SCUBE2: variants seen among roughly 807,000 people sequenced by gnomAD.
SCUBE2 encodes signal peptide, CUB and EGF-like domain-containing protein 2.
Under a neutral mutation model 125.9 loss-of-function variants are expected in SCUBE2, and 114 were observed. The observed-to-expected ratio is 0.91, with a 90% CI of 0.78 to 1.06. The LOEUF (loss-of-function observed/expected upper bound fraction) is 1.06, where lower values mean the gene tolerates loss of function less well. Among genes scored for constraint, SCUBE2 ranks in the 50% least tolerant of loss-of-function variants. The pLI, the probability that SCUBE2 is intolerant of heterozygous loss-of-function variation, is 0.00. For missense variants in SCUBE2, 1,255 were observed against 1,301.8 expected (o/e 0.96, Z 0.55); for synonymous variants, 459 against 492.9 (o/e 0.93, Z 0.91).
rs150297886 is a variant in SCUBE2 at position 9,019,862 on chromosome 11, G to C, written c.*1183C>G. Among the ~76,000 whole-genome samples the C allele has an allele frequency of 3.1e-4, 47 of 152,256 alleles. No individual in the cohort carries two copies. The East Asian group carries it at 8.7e-3, about 28-fold the overall frequency. On this transcript the variant is annotated 3_prime_UTR_variant, in exon 23 of 23. Coordinates refer to ENST00000649792, the MANE Select transcript of SCUBE2 (RefSeq NM_001367977.2). ...TTTTATTCACTGTAATGAGATTTTT[G>C]CTTGGGGATTTAAATGTTTAAAGAT...
At chr11:9,064,735 C>A (rs1216667563) in intron 7 of SCUBE2, 1 of 152,110 alleles carries the variant, frequency 6.6e-6, no homozygotes, top group Non-Finnish European at 1.5e-5. Context: ...TTCTAAAGAG[C>A]AGAAAAGAGC....
intron 3 of SCUBE2, among the ~76,000 whole-genome samples, chr11:9,076,530 C>A (rs974877553): frequency 6.6e-6 from 1 of 151,736 alleles, no homozygotes; most frequent in Non-Finnish European, 1.5e-5. Flanking sequence ...AACAAACAAG[C>A]AGGAGAGGAT....
intron 21 of SCUBE2, chr11:9,024,530 A>C (rs1419393044): frequency 1.7e-6 from 1 of 588,030 alleles, no homozygotes; most frequent in Admixed American, 2.5e-5. Context: ...GGCTTCCTCT[A>C]AGATTAAGTC....
rs200466221 is a variant in SCUBE2 at position 9,029,895 on chromosome 11, G to T, written c.2492C>A (p.Thr831Asn). The change falls in exon 19 of 23, where the codon ACC becomes AAC. Residue 831 changes from threonine (T) to asparagine (N), a missense_variant. By Grantham distance (65) the Thr-to-Asn change is moderately conservative. Transcript: ENST00000649792. ...TTDFDGSTNI[T>N]QCKNRRCGGE... ...AGAGAGGGACCTACTTTTACACTGG[G>T]TTATGTTTGTGGAGCCATCAAAGTC... 3.1e-6 allele frequency: 5 copies of T among 1,613,998 alleles called. No homozygotes were observed. In the African/African-American group the frequency reaches 6.7e-5, roughly 22 times the overall value.
intron 16 of SCUBE2, among the ~76,000 whole-genome samples, chr11:9,043,604 A>G (rs1257866176): frequency 6.7e-6 from 1 of 149,900 alleles, no homozygotes; most frequent in East Asian, 2.0e-4. Flanking sequence ...AAAATATACA[A>G]TTGGTCAGAA....
Position 9,047,568 on chromosome 11 carries a change from G to A in SCUBE2, c.1796-6C>T. The stretch of plus-strand genomic sequence containing the variant: ...GCAGCTCAGGTCACAAGAAGCTACA[G>A]AAACAAGAGGGACAGCAGTGCGGGA... On this transcript the variant is annotated splice_polypyrimidine_tract_variant and splice_region_variant and intron_variant, in intron 15 of 22. Coordinates refer to ENST00000649792, the MANE Select transcript of SCUBE2 (RefSeq NM_001367977.2). The A allele has an allele frequency of 6.2e-7, 1 of 1,613,744 alleles. No individual in the cohort carries two copies. The highest frequency in any genetic ancestry group is 8.5e-7 in the Non-Finnish European group (1 of 1,179,874).
chr11:9,080,648 CAA>C (rs111895309), intron 2 of SCUBE2, among the ~76,000 whole-genome samples: 32 of 120,924 alleles, frequency 2.6e-4, no homozygotes, highest in Admixed American at 5.2e-4. Context: ...GACCCTATCT[CAA>C]AAAAAAAAAA....
rs754797514 is a variant in SCUBE2 at position 9,027,374 on chromosome 11, C to T, written c.2691G>A (p.Met897Ile). 1.2e-6 allele frequency: 2 copies of T among 1,614,052 alleles called. No homozygotes were observed. The highest frequency in any genetic ancestry group is 2.2e-5 in the South Asian group (2 of 91,052). The change falls in exon 20 of 23, where the codon ATG becomes ATA. Residue 897 changes from methionine to isoleucine, a missense_variant. This residue lies in a region of SCUBE2 where 515 missense variants were observed against 515.7 expected (regional missense o/e 1.00). Coordinates refer to ENST00000649792, the MANE Select transcript of SCUBE2 (RefSeq NM_001367977.2). ...IEDDCGDYLV[M>I]RKTSSSNSVT... ...GGGAGTGAGACGCACAGGTTTTCCGCATCACCAGATAGTCCCCACAGTCGT... is the reference window on the plus strand; with the variant it reads ...GGGAGTGAGACGCACAGGTTTTCCGTATCACCAGATAGTCCCCACAGTCGT...
chr11:9,086,572 G>T (rs1164630206), intron 2 of SCUBE2, among the ~76,000 whole-genome samples: 1 of 151,350 alleles, frequency 6.6e-6, no homozygotes, highest in Non-Finnish European at 1.5e-5. Flanking sequence ...GGACATCCTG[G>T]CCGGGCGCAG....
chr11:9,030,958 C>A, intron 17 of SCUBE2, 33 bp from the exon 18 acceptor site: 1 of 1,593,380 alleles, frequency 6.3e-7, no homozygotes, highest in Non-Finnish European at 8.6e-7. Context: ...GTGAGCAAGG[C>A]CTCCAGGCAG....
intron 19 of SCUBE2, among the ~76,000 whole-genome samples, chr11:9,028,589 T>C (rs1318873281): frequency 6.6e-6 from 1 of 152,196 alleles, no homozygotes; most frequent in Non-Finnish European, 1.5e-5. Context: ...TACTGTCAGG[T>C]AAATCTGTGC....
intron 16 of SCUBE2, among the ~76,000 whole-genome samples, chr11:9,039,644 G>A (rs1342839945): frequency 6.6e-6 from 1 of 152,074 alleles, no homozygotes; most frequent in African/African-American, 2.4e-5. Flanking sequence ...CCATGCCTAC[G>A]AATTTTCACC....
intron 20 of SCUBE2, 72 bp downstream of exon 20, chr11:9,027,292 T>A (rs1380643813): frequency 2.0e-6 from 3 of 1,464,958 alleles, no homozygotes; most frequent in African/African-American, 1.4e-5. Context: ...CCTCCTCACA[T>A]TGAAAGCCTG....
rs1373335969 is a variant in SCUBE2 at position 9,027,190 on chromosome 11, AGT to A, written c.2701+172_2701+173del. On this transcript the variant is annotated intron_variant, in intron 20 of 22. Coordinates refer to ENST00000649792, the MANE Select transcript of SCUBE2 (RefSeq NM_001367977.2). ...CCTCTGGGGCCCAGCAAGACGCTTCAGTGTGTGGCTTTCATTTAAATTTTGTT... is the reference window on the plus strand; with the variant it reads ...CCTCTGGGGCCCAGCAAGACGCTTCAGTGTGGCTTTCATTTAAATTTTGTT... 1.4e-5 allele frequency: 9 copies of A among 638,288 alleles called. No homozygotes were observed. In the East Asian group the frequency reaches 2.2e-4, roughly 16 times the overall value. 39.5% of individuals were successfully genotyped at this position (638,288 alleles called of 1,614,324 possible).
In SCUBE2 at chr11:9,044,661, C is replaced by T. The variant is rs368551897; in HGVS notation, c.2002+2695G>A. Among the ~76,000 whole-genome samples, 100 of 152,350 alleles carry T rather than the reference C, an allele frequency of 6.6e-4. 3 individuals carry two copies. The South Asian group carries it at 0.02, about 30-fold the overall frequency. ...AAAGCCCTCCACTGGCTTCCTTTCT[C>T]ATCAGATTCGGGATCAGGGTCCTCC... is the stretch of plus-strand genomic sequence containing the variant. On this transcript the variant is annotated intron_variant, in intron 16 of 22. Transcript: ENST00000649792.
At chr11:9,089,225 T>G (rs1488302213) in intron 2 of SCUBE2, among the ~76,000 whole-genome samples, 2 of 152,228 alleles carry the variant, frequency 1.3e-5, no homozygotes, top group Non-Finnish European at 2.9e-5. Flanking sequence ...ACTCTGAAGC[T>G]TGGCACGTCA....
At chr11:9,028,281 G>C (rs1045838260) in intron 19 of SCUBE2, among the ~76,000 whole-genome samples, 1 of 151,968 alleles carries the variant, frequency 6.6e-6, no homozygotes, top group Admixed American at 6.6e-5. Flanking sequence ...AAGCTATCCC[G>C]GCCTTGTCCT....
At chr11:9,082,117 G>A (rs56271104) in intron 2 of SCUBE2, among the ~76,000 whole-genome samples, 4,392 of 152,160 alleles carry the variant, frequency 0.029, 190 homozygotes, top group African/African-American at 0.099. Context: ...TGGGCTTATT[G>A]TCCATTTGCA....
intron 16 of SCUBE2, among the ~76,000 whole-genome samples, chr11:9,046,105 C>A (rs1857718146): frequency 6.8e-6 from 1 of 147,574 alleles, no homozygotes; most frequent in African/African-American, 2.5e-5. Flanking sequence ...CTCCCTGGTT[C>A]AAGGGATTCT....
Sources: gnomAD v4.1 joint callset for allele counts (sites outside exome capture counted in the v4.1 genomes callset) on GRCh38, gnomAD v4.1.1 for gene constraint, gnomAD v4.1.1 regional missense constraint, MANE v1.5 for transcripts, NCBI Gene and HGNC (gene_info 2026-07-23, HGNC 2026-07-21) for gene names.